CUBN: variants seen among roughly 807,000 people sequenced by gnomAD.
CUBN encodes the protein 460 kDa receptor.
In CUBN, 282 loss-of-function variants were observed where a neutral mutation model predicts 405.3. The ratio of observed to expected loss-of-function variants is 0.70; its 90% CI spans 0.63 to 0.77. The LOEUF (loss-of-function observed/expected upper bound fraction) is 0.77, where lower values mean the gene tolerates loss of function less well. CUBN is among the 30% of genes least tolerant of loss of function. The pLI is 0.00. For synonymous variants in CUBN, 1,684 were observed against 1,617.0 expected (o/e 1.04, Z -0.99); for missense variants, 4,514 against 4,475.2 (o/e 1.01, Z -0.25).
chr10:17,055,871 C>G (rs1241294327), intron 22 of CUBN, among the ~76,000 whole-genome samples: 1 of 151,980 alleles, frequency 6.6e-6, no homozygotes, highest in Non-Finnish European at 1.5e-5. Flanking sequence ...TCAATGCAAT[C>G]TCAATCAAAT....
intron 27 of CUBN, among the ~76,000 whole-genome samples, chr10:17,028,333 A>T (rs1834717993): frequency 6.6e-6 from 1 of 151,958 alleles, no homozygotes; most frequent in African/African-American, 2.4e-5. Flanking sequence ...TCATAGAACA[A>T]CGTGAAATCA....
At chr10:16,911,789 T>C (rs1841743415) in intron 48 of CUBN, among the ~76,000 whole-genome samples, 5 of 152,200 alleles carry the variant, frequency 3.3e-5, no homozygotes. Flanking sequence ...ATGAGTAGAA[T>C]TAAAAATATC....
At chr10:16,962,338 T>C (rs938085569) in intron 31 of CUBN, among the ~76,000 whole-genome samples, 24 of 151,714 alleles carry the variant, frequency 1.6e-4, no homozygotes, top group Non-Finnish European at 1.5e-4. Context: ...TAGAAAGCTA[T>C]GGAGGCAAAA....
intron 22 of CUBN, among the ~76,000 whole-genome samples, chr10:17,057,768 T>C (rs1048279371): frequency 4.6e-5 from 7 of 151,516 alleles, no homozygotes; most frequent in Non-Finnish European, 7.4e-5. Context: ...TAGTCAGCAA[T>C]AGAAAGAAAA....
intron 4 of CUBN, among the ~76,000 whole-genome samples, chr10:17,125,659 T>C (rs956320575): frequency 6.6e-6 from 1 of 152,044 alleles, no homozygotes; most frequent in Admixed American, 6.5e-5. Context: ...TAGGGAGTGG[T>C]GGGGACTGTG....
intron 27 of CUBN, among the ~76,000 whole-genome samples, chr10:17,032,956 C>T (rs1389227164): frequency 6.6e-6 from 1 of 152,122 alleles, no homozygotes; most frequent in African/African-American, 2.4e-5. Flanking sequence ...TGAAATCATT[C>T]GATCTCATGC....
chr10:17,113,907 A>G (rs912122645), intron 8 of CUBN, 120 bp downstream of exon 8: 5 of 1,005,186 alleles, frequency 5.0e-6, no homozygotes, highest in Non-Finnish European at 7.7e-6. Flanking sequence ...CCAGGACACA[A>G]AACTGGATTT....
At chr10:17,102,595 CTTTTTTTTTT>C (rs11357524) in intron 13 of CUBN, among the ~76,000 whole-genome samples, 3 of 63,118 alleles carry the variant, frequency 4.8e-5, no homozygotes, top group African/African-American at 1.2e-4. Flanking sequence ...CCTTGTTACT[CTTTTTTTTTT>C]TTTTTTTTTT....
chr10:17,120,906 G>A (rs1475404663), intron 6 of CUBN, among the ~76,000 whole-genome samples: 2 of 152,182 alleles, frequency 1.3e-5, no homozygotes, highest in Non-Finnish European at 2.9e-5. Flanking sequence ...TAGATATCAG[G>A]AAGGTCAGAA....
intron 32 of CUBN, 137 bp downstream of exon 32, chr10:16,954,252 C>A: frequency 9.7e-7 from 1 of 1,029,876 alleles, no homozygotes; most frequent in Non-Finnish European, 1.5e-6. Flanking sequence ...AGTCACAGTT[C>A]TTTTGTTCTA....
intron 27 of CUBN, among the ~76,000 whole-genome samples, chr10:17,029,157 A>G (rs1834735129): frequency 6.6e-6 from 1 of 152,230 alleles, no homozygotes; most frequent in East Asian, 1.9e-4. Flanking sequence ...TCATGTTTGA[A>G]GAGAGGAAAC....
Position 17,109,650 on chromosome 10 carries a change from G to A in CUBN, c.1101C>T (p.Ser367=). The part of the protein sequence containing the change: ...NGGCHPDASC[S]STLGSLPLCT... The stretch of plus-strand genomic sequence containing the variant: ...GAGATGAGTCATTACCTAGAGTTGA[G>A]GAGCATGAGGCATCTGGGTGGCAGC... The change falls in exon 10 of 67, where the codon TCC becomes TCT. Residue 367 remains serine, a synonymous_variant. Coordinates refer to ENST00000377833, the MANE Select transcript of CUBN (RefSeq NM_001081.4). 2 of 1,613,498 alleles carry A rather than the reference G, an allele frequency of 1.2e-6. No homozygotes were observed. The highest frequency in any genetic ancestry group is 1.7e-6 in the Non-Finnish European group (2 of 1,179,514).
rs776471095 is a variant in CUBN at position 17,129,653 on chromosome 10, T to C, written c.113A>G (p.Asn38Ser). ...LELQRQKRSI[N>S]LQQPRMATER... ...CCATGTGTTTACTTACTGTTGGAGA[T>C]TGATGCTTCTTTTTTGTCTCTGCAG... The change falls in exon 1 of 67, where the codon AAT becomes AGT. Residue 38 changes from asparagine (N) to serine (S), a missense_variant. Physicochemically the swap from Asn to Ser is conservative, Grantham distance 46. Around this residue, in one of 5 missense-constraint regions of CUBN, gnomAD observed 1,448 missense variants for 1,388.0 expected, o/e 1.04. Transcript: ENST00000377833. The C allele has an allele frequency of 3.0e-5, 48 of 1,614,020 alleles. No homozygotes were observed. Among genetic ancestry groups the C allele is most frequent in the Non-Finnish European group, 3.7e-5 (44 of 1,180,002 alleles).
chr10:16,911,141 C>G (rs1841718317), intron 48 of CUBN, among the ~76,000 whole-genome samples: 1 of 152,102 alleles, frequency 6.6e-6, no homozygotes, highest in Non-Finnish European at 1.5e-5. Context: ...AGATGCACAT[C>G]TGGGGTGGAG....
At chr10:16,954,989 C>T (rs1018202057) in intron 31 of CUBN, among the ~76,000 whole-genome samples, 29 of 152,154 alleles carry the variant, frequency 1.9e-4, no homozygotes, top group African/African-American at 7.0e-4. Context: ...TCATAAGTTT[C>T]GTGATAGGGT....
At chr10:16,829,504 G>A (rs927288174) in intron 65 of CUBN, among the ~76,000 whole-genome samples, 2 of 152,166 alleles carry the variant, frequency 1.3e-5, no homozygotes, top group Non-Finnish European at 2.9e-5. Context: ...AACCAAGAGG[G>A]AGTGCGTTAT....
At chr10:16,894,512 A>G (rs1841122898) in intron 54 of CUBN, among the ~76,000 whole-genome samples, 1 of 152,188 alleles carries the variant, frequency 6.6e-6, no homozygotes, top group African/African-American at 2.4e-5. Context: ...AAATCAATTG[A>G]GGATGTTTGT....
Position 16,928,258 on chromosome 10 carries a change from T to C in CUBN, c.6170A>G (p.Glu2057Gly), listed in dbSNP as rs552698640. 5.6e-6 allele frequency: 9 copies of C among 1,613,968 alleles called. No homozygotes were observed. The East Asian group carries it at 1.3e-4, about 24-fold the overall frequency. Residue 2057 changes from glutamate to glycine, a missense_variant, in exon 41 of 67, where the codon GAG becomes GGG. By Grantham distance (98) the Glu-to-Gly change is moderately conservative. Around this residue, in one of 5 missense-constraint regions of CUBN, gnomAD observed 1,613 missense variants for 1,542.8 expected, o/e 1.05. Coordinates refer to ENST00000377833, the MANE Select transcript of CUBN (RefSeq NM_001081.4). The stretch of plus-strand genomic sequence containing the variant: ...AGTAGACCGGATGGGCCCAGGGATC[T>C]CTCTGCCACAGAGAACTGCTAGCTG... The part of the protein sequence containing the change: ...AQQLAVLCGR[E>G]IPGPIRSTGE...
intron 28 of CUBN, among the ~76,000 whole-genome samples, chr10:17,018,766 G>A (rs552527536): frequency 4.8e-4 from 73 of 152,246 alleles, no homozygotes; most frequent in East Asian, 1.4e-3. Context: ...TGATTGGTCC[G>A]TTTTTACAGA....
Sources: gnomAD v4.1 joint callset for allele counts (sites outside exome capture counted in the v4.1 genomes callset) on GRCh38, gnomAD v4.1.1 for gene constraint, gnomAD v4.1.1 regional missense constraint, MANE v1.5 for transcripts, NCBI Gene and HGNC (gene_info 2026-07-23, HGNC 2026-07-21) for gene names.